The following PDE12 variants were observed in gnomAD, a reference collection of about 807,000 sequenced individuals.
PDE12 encodes the protein phosphodiesterase 12, also known as 2',5'-phosphodiesterase 12.
PDE12 carries 26 observed loss-of-function variants against 45.4 expected under a neutral mutation model. That is an observed-to-expected ratio of 0.57 (90% CI 0.42 to 0.79). The LOEUF (loss-of-function observed/expected upper bound fraction) is 0.79. Among genes scored for constraint, PDE12 ranks in the 30% least tolerant of loss-of-function variants. PDE12 has a pLI of 0.00. For missense variants in PDE12, 668 were observed against 790.0 expected (o/e 0.85, Z 1.85); for synonymous variants, 283 against 323.9 (o/e 0.87, Z 1.36).
At chr3:57,589,590 C>A in the PDE12 span, among the ~76,000 whole-genome samples, 1 of 151,198 alleles carries the variant, frequency 6.6e-6, no homozygotes, top group South Asian at 2.1e-4. Context: ...TGGTGGCTGG[C>A]GCCTGTAAAC....
rs533431565 is a variant in PDE12 at position 57,566,234 on chromosome 3, T to C, written c.*6230T>C. The C allele has an allele frequency of 5.3e-5, 8 of 151,296 alleles. No homozygotes were observed. The South Asian group carries it at 6.2e-4, about 12-fold the overall frequency. The allele number at this position is 151,296 out of a possible 1,614,324, so 9.4% of individuals were successfully genotyped here. On this transcript the variant is annotated 3_prime_UTR_variant, in exon 3 of 3. Transcript: ENST00000311180. Reference sequence around the variant, plus strand: ...GCCTATTCTGGACATTTCATATAAATTGAATCATAATTTATGTAGTCTTTT... The same window carrying C: ...GCCTATTCTGGACATTTCATATAAACTGAATCATAATTTATGTAGTCTTTT...
chr3:57,597,357 C>G, the PDE12 span: 2 of 475,696 alleles, frequency 4.2e-6, no homozygotes, highest in Admixed American at 3.6e-5. Context: ...CGCGGCAGCT[C>G]CGGCTCTAGC....
chr3:57,589,530 C>T, the PDE12 span, among the ~76,000 whole-genome samples: 1 of 151,850 alleles, frequency 6.6e-6, no homozygotes, highest in African/African-American at 2.4e-5. Flanking sequence ...CCAGCCTGGC[C>T]AACGTGGTGA....
At chr3:57,571,045 A>G (rs759384753), downstream of PDE12, among the ~76,000 whole-genome samples, 4 of 151,162 alleles carry the variant, frequency 2.6e-5, no homozygotes, top group Non-Finnish European at 5.9e-5. Context: ...GTCTTACTAC[A>G]TTGCCAAAGC....
chr3:57,645,329 C>T, the PDE12 span, among the ~76,000 whole-genome samples: 7 of 151,864 alleles, frequency 4.6e-5, no homozygotes, highest in Non-Finnish European at 8.8e-5. Context: ...GGCGTGGTGG[C>T]GCATGCCTGT....
the PDE12 span, chr3:57,627,623 C>T: frequency 6.6e-6 from 1 of 152,200 alleles, no homozygotes; most frequent in African/African-American, 2.4e-5. Flanking sequence ...CAATGGGTAG[C>T]AAGAAACTTT....
the PDE12 span, chr3:57,596,706 C>G: frequency 4.3e-6 from 1 of 234,906 alleles, no homozygotes; most frequent in Non-Finnish European, 8.6e-6. Flanking sequence ...TGTCCACACC[C>G]GGGCAAGAAG....
At chr3:57,633,509 T>C in the PDE12 span, among the ~76,000 whole-genome samples, 2 of 152,226 alleles carry the variant, frequency 1.3e-5, no homozygotes, top group African/African-American at 2.4e-5. Flanking sequence ...AAGTTCATTG[T>C]GCAATATCCT....
At chr3:57,602,477 G>T in the PDE12 span, among the ~76,000 whole-genome samples, 1 of 152,120 alleles carries the variant, frequency 6.6e-6, no homozygotes, top group Non-Finnish European at 1.5e-5. Context: ...CTGAGTGTTT[G>T]GATCGTTTGG....
chr3:57,588,713 T>C, the PDE12 span, among the ~76,000 whole-genome samples: 26 of 137,972 alleles, frequency 1.9e-4, no homozygotes, highest in Non-Finnish European at 3.1e-4. Context: ...TCCCAGCATG[T>C]TGGGAGGCTG....
In PDE12 at chr3:57,556,446, C is replaced by G. The variant is rs2241988; in HGVS notation, c.67C>G (p.Arg23Gly). Residue 23 changes from arginine (R) to glycine (G), a missense_variant, in exon 1 of 3, where the codon CGG becomes GGG. Coordinates refer to ENST00000311180, the MANE Select transcript of PDE12 (RefSeq NM_177966.7). This position sits in a 1 kb window ranked among gnomAD's most constrained non-coding sequence, Gnocchi z 5.0. ...VIRTAVEKLS[R>G]AEAGSQTAAG... Reference sequence around the variant, plus strand: ...CCGGACGGCGGTGGAGAAGCTGAGCCGGGCTGAAGCGGGGAGCCAGACAGC... The same window carrying G: ...CCGGACGGCGGTGGAGAAGCTGAGCGGGGCTGAAGCGGGGAGCCAGACAGC... 9 of 1,612,034 alleles carry G rather than the reference C, an allele frequency of 5.6e-6. No homozygotes were observed. The South Asian group carries it at 7.7e-5, about 14-fold the overall frequency.
Position 57,561,015 on chromosome 3 carries a change from A to G in PDE12, c.*1011A>G. The G allele has an allele frequency of 4.1e-6, 4 of 975,776 alleles. No individual in the cohort carries two copies. Among genetic ancestry groups the G allele is most frequent in the Non-Finnish European group, 4.9e-6 (4 of 820,770 alleles). The allele number at this position is 975,776 out of a possible 1,614,324, so 60.4% of individuals were successfully genotyped here. ...TTTTTAGGATTTTAGTTTTTAGTGT[A>G]TGGTACAAATGAACACAGTTTATAT... On this transcript the variant is annotated 3_prime_UTR_variant, in exon 3 of 3. Coordinates refer to ENST00000311180, the MANE Select transcript of PDE12 (RefSeq NM_177966.7).
chr3:57,571,057 G>T (rs867247537), downstream of PDE12, among the ~76,000 whole-genome samples: 5 of 151,426 alleles, frequency 3.3e-5, no homozygotes, highest in South Asian at 1.0e-3. Flanking sequence ...TGCCAAAGCT[G>T]ATCTCAAACT....
Position 57,556,509 on chromosome 3 carries a change from C to G in PDE12, c.130C>G (p.Pro44Ala), listed in dbSNP as rs1371448598. 1.2e-6 allele frequency: 2 copies of G among 1,613,460 alleles called. No homozygotes were observed. The highest frequency in any genetic ancestry group is 1.1e-5 in the South Asian group (1 of 91,088). Residue 44 changes from proline to alanine, a missense_variant, in exon 1 of 3, where the codon CCT (proline) becomes GCT (alanine). This residue lies in a region of PDE12 where 580 missense variants were observed against 662.9 expected (regional missense o/e 0.87). Transcript: ENST00000311180. This position sits in a 1 kb window ranked among gnomAD's most constrained non-coding sequence, Gnocchi z 5.0. Reference sequence around the variant, plus strand: ...GGAGCGCGCTGTAGTGCGCTGCGTACCTTCGGAACCCAAGCTGAGCCTGTC... The same window carrying G: ...GGAGCGCGCTGTAGTGCGCTGCGTAGCTTCGGAACCCAAGCTGAGCCTGTC... The part of the protein sequence containing the change: ...AMERAVVRCV[P>A]SEPKLSLSFA...
At chr3:57,599,637 G>A in the PDE12 span, among the ~76,000 whole-genome samples, 1 of 152,232 alleles carries the variant, frequency 6.6e-6, no homozygotes, top group South Asian at 2.1e-4. Context: ...AACAAAAGTT[G>A]TCAAAACAGA....
chr3:57,650,587 A>G, the PDE12 span, among the ~76,000 whole-genome samples: 3 of 152,172 alleles, frequency 2.0e-5, no homozygotes, highest in Non-Finnish European at 4.4e-5. Flanking sequence ...AAGGCTTTTT[A>G]GAGAAATGGC....
At chr3:57,638,256 AAT>A in the PDE12 span, among the ~76,000 whole-genome samples, 1 of 152,008 alleles carries the variant, frequency 6.6e-6, no homozygotes, top group Non-Finnish European at 1.5e-5. Flanking sequence ...TACTATTCAG[AAT>A]ATATAAAGAA....
At chr3:57,604,633 G>GGGCA in the PDE12 span, among the ~76,000 whole-genome samples, 1 of 52,918 alleles carries the variant, frequency 1.9e-5, no homozygotes, top group African/African-American at 1.1e-4. Flanking sequence ...GGGTGGGTGG[G>GGGCA]ACAGAGTCTC....
rs1335741609 is a variant in PDE12 at position 57,566,250 on chromosome 3, G to A, written c.*6246G>A. Reference sequence around the variant, plus strand: ...TCATATAAATTGAATCATAATTTATGTAGTCTTTTGTGACTGGCTTCTTTT... The same window carrying A: ...TCATATAAATTGAATCATAATTTATATAGTCTTTTGTGACTGGCTTCTTTT... On this transcript the variant is annotated 3_prime_UTR_variant, in exon 3 of 3. Transcript: ENST00000311180. 6.6e-6 allele frequency: 1 copy of A among 152,134 alleles called. No individual in the cohort carries two copies. Among genetic ancestry groups the A allele is most frequent in the East Asian group, 1.9e-4 (1 of 5,198 alleles). 9.4% of individuals were successfully genotyped at this position (152,134 alleles called of 1,614,324 possible). A position where few individuals can be genotyped will look rare whatever the true frequency, so the allele number is the denominator to read the frequency against.
Sources: gnomAD v4.1 joint callset for allele counts (sites outside exome capture counted in the v4.1 genomes callset) on GRCh38, gnomAD v4.1.1 for gene constraint, gnomAD v4.1.1 regional missense constraint, Gnocchi (gnomAD v3.1) non-coding constraint, MANE v1.5 for transcripts, NCBI Gene and HGNC (gene_info 2026-07-23, HGNC 2026-07-21) for gene names.